The following CDC25C variants were observed in gnomAD, a reference collection of about 807,000 sequenced individuals.
The protein encoded by CDC25C is cell division cycle 25C, also known as M-phase inducer phosphatase 3.
In CDC25C, 48 loss-of-function variants were observed where a neutral mutation model predicts 52.5. The ratio of observed to expected loss-of-function variants is 0.91; its 90% CI spans 0.72 to 1.16. CDC25C has a LOEUF of 1.16. Ranked by LOEUF, CDC25C falls within the 50% of genes most tolerant of loss-of-function variation. The pLI, the probability that CDC25C is intolerant of heterozygous loss-of-function variation, is 0.00. For synonymous variants in CDC25C, 187 were observed against 206.5 expected (o/e 0.91, Z 0.81); for missense variants, 510 against 566.1 (o/e 0.90, Z 1.01).
At chr5:138,315,430 G>A (rs914389335) in intron 7 of CDC25C, among the ~76,000 whole-genome samples, 2 of 152,002 alleles carry the variant, frequency 1.3e-5, no homozygotes, top group African/African-American at 2.4e-5. Context: ...GGATAACAGA[G>A]GACTACTGTA....
intron 2 of CDC25C, 39 bp downstream of exon 2, chr5:138,330,948 A>C: frequency 7.2e-7 from 1 of 1,389,348 alleles, no homozygotes; most frequent in African/African-American, 1.4e-5. Context: ...GTTTGGAAAT[A>C]GCAAAGGCAA....
chr5:138,288,276 T>C (rs1756423594), intron 10 of CDC25C, among the ~76,000 whole-genome samples: 2 of 152,164 alleles, frequency 1.3e-5, no homozygotes. Flanking sequence ...GGTTTCTCCA[T>C]GTTGGTCAGA....
chr5:138,293,808 A>G (rs1341094032), intron 7 of CDC25C, among the ~76,000 whole-genome samples: 2 of 151,770 alleles, frequency 1.3e-5, no homozygotes, highest in Non-Finnish European at 2.9e-5. Flanking sequence ...CACCATGCCC[A>G]GCCAATTTCT....
At chr5:138,285,978 G>A (rs746209419) in intron 13 of CDC25C, 44 bp downstream of exon 13, 3 of 1,550,610 alleles carry the variant, frequency 1.9e-6, no homozygotes, top group Admixed American at 1.7e-5. Flanking sequence ...GGCCCTGGGA[G>A]TTGAGTTGTT....
At chr5:138,287,655 G>GT (rs1756365032) in intron 10 of CDC25C, among the ~76,000 whole-genome samples, 1 of 152,180 alleles carries the variant, frequency 6.6e-6, no homozygotes. Flanking sequence ...AAGGAAGAAA[G>GT]TAAGTCTTTC....
intron 7 of CDC25C, among the ~76,000 whole-genome samples, chr5:138,301,004 A>G (rs892098697): frequency 2.0e-5 from 3 of 152,236 alleles, no homozygotes; most frequent in African/African-American, 7.2e-5. Context: ...AGATGCAGCT[A>G]AAGTACTAAA....
chr5:138,289,771 GA>G (rs1440329849), intron 9 of CDC25C, among the ~76,000 whole-genome samples: 1 of 149,770 alleles, frequency 6.7e-6, no homozygotes, highest in Non-Finnish European at 1.5e-5. Context: ...CGAAGTTTTA[GA>G]TTTCTCTACA....
chr5:138,291,209 C>A lies in CDC25C; in HGVS notation c.763-469G>T, dbSNP rs550012406. 4.0e-5 allele frequency among the ~76,000 whole-genome samples: 6 copies of A among 151,636 alleles called. No individual in the cohort carries two copies. In the East Asian group the frequency reaches 7.8e-4, roughly 20 times the overall value. On this transcript the variant is annotated intron_variant, in intron 8 of 13. Coordinates refer to ENST00000323760, the MANE Select transcript of CDC25C (RefSeq NM_001790.5). ...AACTTCTGACCTTAAGTGATCCTCC[C>A]ATCTATTTAATTTTTTTAAAGTTGG...
At chr5:138,285,919 C>G in intron 13 of CDC25C, 78 bp from the exon 14 acceptor site, 1 of 1,549,762 alleles carries the variant, frequency 6.5e-7, no homozygotes, top group Non-Finnish European at 8.9e-7. Flanking sequence ...GATGCTGCTG[C>G]TGGCAGTGGC....
At chr5:138,302,671 C>G (rs968916037) in intron 7 of CDC25C, among the ~76,000 whole-genome samples, 1 of 151,368 alleles carries the variant, frequency 6.6e-6, no homozygotes, top group Admixed American at 6.6e-5. Context: ...TGCACTCCAG[C>G]CTGAGCAACA....
Position 138,325,401 on chromosome 5 carries a change from A to C in CDC25C, c.459+414T>G, listed in dbSNP as rs142548746. 3.9e-5 allele frequency among the ~76,000 whole-genome samples: 6 copies of C among 152,334 alleles called. No homozygotes were observed. In the East Asian group the frequency reaches 1.2e-3, roughly 29 times the overall value. Reference sequence around the variant, plus strand: ...TGGCCTCCTCGGAATAAGGGCTTAAAAGCTAGACTAAGGGGGAAATAAGAA... The same window carrying C: ...TGGCCTCCTCGGAATAAGGGCTTAACAGCTAGACTAAGGGGGAAATAAGAA... On this transcript the variant is annotated intron_variant, in intron 6 of 13. Transcript: ENST00000323760.
At chr5:138,324,351 GA>G (rs1759683389) in intron 6 of CDC25C, among the ~76,000 whole-genome samples, 2 of 152,072 alleles carry the variant, frequency 1.3e-5, no homozygotes, top group Admixed American at 1.3e-4. Context: ...AACTTTTTTA[GA>G]AATGAATCGG....
intron 7 of CDC25C, among the ~76,000 whole-genome samples, chr5:138,297,689 C>A (rs1288704646): frequency 6.6e-6 from 1 of 152,096 alleles, no homozygotes; most frequent in Non-Finnish European, 1.5e-5. Context: ...TTTTGAGTAC[C>A]TACTAGGTGA....
At chr5:138,310,705 T>C (rs1758382537) in intron 7 of CDC25C, among the ~76,000 whole-genome samples, 1 of 152,136 alleles carries the variant, frequency 6.6e-6, no homozygotes, top group Non-Finnish European at 1.5e-5. Context: ...TATCTAAAAG[T>C]GGCAGAGTCA....
In CDC25C at chr5:138,287,191, T is replaced by C. The variant is rs770323893; in HGVS notation, c.1004A>G (p.Glu335Gly). Residue 335 changes from glutamate to glycine, a missense_variant, in exon 11 of 14, where the codon GAG (glutamate) becomes GGG (glycine). Transcript: ENST00000323760. ...FYVIDCRYPY[E>G]YLGGHIQGAL... ...CACCTGGATGTGTCCTCCCAGATAC[T>C]CATATGGATAGCGACAATCAATGAC... 108 of 1,613,560 alleles carry C rather than the reference T, an allele frequency of 6.7e-5. No individual in the cohort carries two copies. The highest frequency in any genetic ancestry group is 8.6e-5 in the Non-Finnish European group (102 of 1,179,636).
At chr5:138,311,486 T>A (rs117287469) in intron 7 of CDC25C, among the ~76,000 whole-genome samples, 1 of 152,188 alleles carries the variant, frequency 6.6e-6, no homozygotes, top group East Asian at 1.9e-4. Context: ...TACTAGCTAC[T>A]ATGGACACTG....
At chr5:138,308,650 A>G (rs1490411228) in intron 7 of CDC25C, among the ~76,000 whole-genome samples, 2 of 152,088 alleles carry the variant, frequency 1.3e-5, no homozygotes, top group South Asian at 4.1e-4. Context: ...TAGGAAGGTC[A>G]CTGTCAATTC....
intron 4 of CDC25C, among the ~76,000 whole-genome samples, 186 bp from the exon 5 acceptor site, chr5:138,326,240 C>A (rs1439735654): frequency 2.6e-5 from 4 of 152,160 alleles, no homozygotes; most frequent in African/African-American, 9.7e-5. Flanking sequence ...AAGTGACATC[C>A]TGGGGATAAG....
intron 6 of CDC25C, 78 bp downstream of exon 6, chr5:138,325,737 A>G (rs951984600): frequency 7.4e-6 from 7 of 948,790 alleles, no homozygotes; most frequent in African/African-American, 4.9e-5. Flanking sequence ...AAACAGTTCT[A>G]TGTCTCATTA....
Sources: gnomAD v4.1 joint callset for allele counts (sites outside exome capture counted in the v4.1 genomes callset) on GRCh38, gnomAD v4.1.1 for gene constraint, MANE v1.5 for transcripts, NCBI Gene and HGNC (gene_info 2026-07-23, HGNC 2026-07-21) for gene names.